Variants in NFKBIA observed in about 807,000 individuals in gnomAD.
NFKBIA encodes NF-kappa-B inhibitor alpha.
A neutral mutation model predicts 36.3 loss-of-function variants in NFKBIA; 10 were observed. The ratio of observed to expected loss-of-function variants is 0.28; its 90% CI spans 0.17 to 0.47. The LOEUF (loss-of-function observed/expected upper bound fraction) is 0.47. NFKBIA is among the 20% of genes least tolerant of loss of function. The probability of loss-of-function intolerance (pLI) is 0.99; values close to 1 mark genes in which losing one functional copy is unlikely to be tolerated. For missense variants in NFKBIA, 355 were observed against 399.3 expected, an observed-to-expected ratio of 0.89 and a Z score of 0.94; for synonymous variants, 205 against 164.4, an observed-to-expected ratio of 1.25 and a Z score of -1.89.
At chr14:35,404,350 C>CGG in intron 1 of NFKBIA, 68 bp downstream of exon 1, 1 of 1,188,280 alleles carries the variant, frequency 8.4e-7, no homozygotes. Context: ...GGCCCGGCGC[C>CGG]TCCCACCCCC....
At position 35,401,598 on chromosome 14, in the gene NFKBIA, G is replaced by A. The variant is rs1355097013; in HGVS notation, c.*415C>T. 9.9e-6 allele frequency: 3 copies of A among 301,762 alleles called. No individual in the cohort carries two copies. The highest frequency in any genetic ancestry group is 5.6e-5 in the South Asian group (1 of 17,976). 18.7% of individuals were successfully genotyped at this position (301,762 alleles called of 1,614,324 possible). A position where few individuals can be genotyped will look rare whatever the true frequency, so the allele number is the denominator to read the frequency against. On this transcript the variant is annotated 3_prime_UTR_variant, in exon 6 of 6. Transcript: ENST00000216797. ...ACATTATGTACACCATTTACAGGAGGGTAACACAAACCTTGACAGGTAGTA... is the reference window on the plus strand; with the variant it reads ...ACATTATGTACACCATTTACAGGAGAGTAACACAAACCTTGACAGGTAGTA...
chr14:35,402,296 G>A (rs1451209125), intron 5 of NFKBIA, 98 bp downstream of exon 5: 3 of 1,437,138 alleles, frequency 2.1e-6, no homozygotes, highest in African/African-American at 2.8e-5. Flanking sequence ...GACTCATTAT[G>A]TAGATACCCC....
intron 3 of NFKBIA, 39 bp downstream of exon 3, chr14:35,403,111 C>T: frequency 3.1e-6 from 5 of 1,597,650 alleles, no homozygotes; most frequent in Non-Finnish European, 4.3e-6. Context: ...CGTCACCTGC[C>T]CTCCGAGGGG....
At position 35,402,380 on chromosome 14, in the gene NFKBIA, G is replaced by A; in HGVS notation, c.906+14C>T. ...CCTCATTAGTTAGAGCGCCGAAGGA[G>A]TTCACAGACTCACCTCGTCCTCTGT... On this transcript the variant is annotated intron_variant, in intron 5 of 5. Transcript: ENST00000216797. 6.2e-7 allele frequency: 1 copy of A among 1,614,120 alleles called. No individual in the cohort carries two copies. The highest frequency in any genetic ancestry group is 8.5e-7 in the Non-Finnish European group (1 of 1,180,002).
chr14:35,404,624 G>A lies in NFKBIA; in HGVS notation c.21C>T (p.Arg7=), dbSNP rs1229016752. 3 of 1,522,396 alleles carry A rather than the reference G, an allele frequency of 2.0e-6. No homozygotes were observed. Among genetic ancestry groups the A allele is most frequent in the Non-Finnish European group, 2.6e-6 (3 of 1,135,452 alleles). 94.3% of individuals were successfully genotyped at this position (1,522,396 alleles called of 1,614,324 possible). MFQAAE[R]PQEWAMEGPR... ...GGCCCTCCATGGCCCACTCCTGGGG[G>A]CGCTCGGCCGCCTGGAACATGGCGC... Residue 7 remains arginine, a synonymous_variant, in exon 1 of 6, where the codon CGC becomes CGT. Transcript: ENST00000216797.
chr14:35,403,118 G>A, intron 3 of NFKBIA, 32 bp downstream of exon 3: 8 of 1,597,432 alleles, frequency 5.0e-6, no homozygotes, highest in Non-Finnish European at 6.8e-6. Context: ...TGCCCTCCGA[G>A]GGGGTGGGGC....
rs766226600 is a variant in NFKBIA at position 35,403,711 on chromosome 14, G to A, written c.315C>T (p.Asn105=). The part of the protein sequence containing the change: ...RQVKGDLAFL[N]FQNNLQQTPL... The stretch of plus-strand genomic sequence containing the variant: ...GCACCTGCTGCAGGTTGTTCTGGAA[G>A]TTGAGGAAGGCCAGGTCTCCCTTCA... The change falls in exon 2 of 6, where the codon AAC becomes AAT. Residue 105 remains asparagine (N), a synonymous_variant. Coordinates refer to ENST00000216797, the MANE Select transcript of NFKBIA (RefSeq NM_020529.3). 14 of 1,613,684 alleles carry A rather than the reference G, an allele frequency of 8.7e-6. No homozygotes were observed. The South Asian group carries it at 1.4e-4, about 16-fold the overall frequency.
Position 35,403,545 on chromosome 14 carries a change from C to T in NFKBIA, c.336+145G>A, listed in dbSNP as rs545731138. On this transcript the variant is annotated intron_variant, in intron 2 of 5. Coordinates refer to ENST00000216797, the MANE Select transcript of NFKBIA (RefSeq NM_020529.3). ...CACCAAATCAGTGGAATTTCCTTCA[C>T]TCTCTAGGATGTGGGCTGATGTGAA... 208 of 880,366 alleles carry T rather than the reference C, an allele frequency of 2.4e-4. 1 individual carries two copies. The African/African-American group carries it at 3.1e-3, about 13-fold the overall frequency. The allele number at this position is 880,366 out of a possible 1,614,324, so 54.5% of individuals were successfully genotyped here. A position where few individuals can be genotyped will look rare whatever the true frequency, so the allele number is the denominator to read the frequency against.
At chr14:35,404,340 G>C in intron 1 of NFKBIA, 78 bp downstream of exon 1, 1 of 1,121,762 alleles carries the variant, frequency 8.9e-7, no homozygotes, top group South Asian at 1.8e-5. Flanking sequence ...TCGGGCTCCA[G>C]GCCCGGCGCC....
rs2052763112 is a variant in NFKBIA, at chr14:35,404,213, C to T, written c.227+205G>A. ...CTGCCATCCACCAGGGCCCAGCCGC[C>T]GCCCCTCCGAGTTGGGCCGGTGCCC... On this transcript the variant is annotated intron_variant, in intron 1 of 5. Transcript: ENST00000216797. 3.1e-5 allele frequency: 10 copies of T among 322,812 alleles called. 1 individual carries two copies. Among genetic ancestry groups the T allele is most frequent in the Middle Eastern group, 8.8e-4 (1 of 1,142 alleles). The allele number at this position is 322,812 out of a possible 1,614,324, so 20.0% of individuals were successfully genotyped here. A position where few individuals can be genotyped will look rare whatever the true frequency, so the allele number is the denominator to read the frequency against.
rs539095991 is a variant in NFKBIA at position 35,401,701 on chromosome 14, C to T, written c.*312G>A. On this transcript the variant is annotated 3_prime_UTR_variant, in exon 6 of 6. Coordinates refer to ENST00000216797, the MANE Select transcript of NFKBIA (RefSeq NM_020529.3). Reference sequence around the variant, plus strand: ...CAGGATACCACTGGGGTCAGTCACTCGAAGCACAATAAATATAAAATGTGG... The same window carrying T: ...CAGGATACCACTGGGGTCAGTCACTTGAAGCACAATAAATATAAAATGTGG... The T allele has an allele frequency of 1.1e-4, 49 of 464,652 alleles. No homozygotes were observed. The highest frequency in any genetic ancestry group is 8.3e-4 in the African/African-American group (43 of 51,554). 28.8% of individuals were successfully genotyped at this position (464,652 alleles called of 1,614,324 possible).
chr14:35,403,634 G>A (rs1446877936), intron 2 of NFKBIA, 56 bp downstream of exon 2: 2 of 1,273,590 alleles, frequency 1.6e-6, no homozygotes, highest in East Asian at 4.7e-5. Flanking sequence ...GGGTGACTCT[G>A]CTACATCAGC....
In NFKBIA at chr14:35,403,773, C is replaced by T. The variant is rs1448839061; in HGVS notation, c.253G>A (p.Glu85Lys). The T allele has an allele frequency of 6.2e-7, 1 of 1,613,898 alleles. No homozygotes were observed. Among genetic ancestry groups the T allele is most frequent in the South Asian group, 1.1e-5 (1 of 91,022 alleles). Residue 85 changes from glutamate to lysine, a missense_variant, in exon 2 of 6, where the codon GAA (glutamate) becomes AAA (lysine). By Grantham distance (56) the Glu-to-Lys change is moderately conservative. Transcript: ENST00000216797. ...DSFLHLAIIHEEKALTMEVIR... is the reference protein window; with the variant it reads ...DSFLHLAIIHKEKALTMEVIR... ...ACTTCCATGGTCAGTGCCTTTTCTT[C>T]ATGGATGATGGCCAAGTGCAGGAAC... is the stretch of plus-strand genomic sequence containing the variant.
chr14:35,404,681 TG>T lies in NFKBIA; in HGVS notation c.-38del, dbSNP rs2052772412. The T allele has an allele frequency of 1.5e-6, 2 of 1,362,650 alleles. No homozygotes were observed. Among genetic ancestry groups the T allele is most frequent in the African/African-American group, 3.1e-5 (2 of 65,382 alleles). 84.4% of individuals were successfully genotyped at this position (1,362,650 alleles called of 1,614,324 possible). On this transcript the variant is annotated 5_prime_UTR_variant, in exon 1 of 6. Transcript: ENST00000216797. ...GCTGCGGGCGCTGCTGCGGGTGCGC[TG>T]GGCCGCGGGCTGCGCGCTGCTTCCT...
chr14:35,404,423 C>G lies in NFKBIA; in HGVS notation c.222G>C (p.Gly74=). The G allele has an allele frequency of 1.3e-6, 2 of 1,583,264 alleles. No homozygotes were observed. The highest frequency in any genetic ancestry group is 1.7e-6 in the Non-Finnish European group (2 of 1,167,702). ...EPWKQQLTED[G]DSFLHLAIIH... is the part of the protein sequence containing the mutation. ...CCCGGGCCTCCGCCACTTACGAGTC[C>G]CCGTCCTCGGTGAGCTGCTGCTTCC... The change falls in exon 1 of 6, where the codon GGG becomes GGC. Residue 74 remains glycine (G), a synonymous_variant. Transcript: ENST00000216797.
In NFKBIA at chr14:35,403,811, G is replaced by C; in HGVS notation, c.228-13C>G. ...CAAGTGCAGGAACCTGTGGGGAAGA[G>C]AGGGAAAAACCCCAGGGGTGGTGAG... On this transcript the variant is annotated splice_polypyrimidine_tract_variant and intron_variant, in intron 1 of 5. Transcript: ENST00000216797. 1 of 1,603,652 alleles carries C rather than the reference G, an allele frequency of 6.2e-7. No homozygotes were observed. Among genetic ancestry groups the C allele is most frequent in the Non-Finnish European group, 8.5e-7 (1 of 1,172,146 alleles).
rs763208600 is a variant in NFKBIA at position 35,403,311 on chromosome 14, G to A, written c.386C>T (p.Ala129Val). 2 of 1,614,094 alleles carry A rather than the reference G, an allele frequency of 1.2e-6. No individual in the cohort carries two copies. Among genetic ancestry groups the A allele is most frequent in the South Asian group, 1.1e-5 (1 of 91,078 alleles). Residue 129 changes from alanine (A) to valine (V), a missense_variant, in exon 3 of 6, where the codon GCA becomes GTA. Physicochemically the swap from Ala to Val is moderately conservative, Grantham distance 64. Coordinates refer to ENST00000216797, the MANE Select transcript of NFKBIA (RefSeq NM_020529.3). ...VITNQPEIAEALLGAGCDPEL... is the reference protein window; with the variant it reads ...VITNQPEIAEVLLGAGCDPEL... ...AGGATCACAGCCAGCTCCCAGAAGTGCCTCAGCAATTTCTGGCTGGTTGGT... is the reference window on the plus strand; with the variant it reads ...AGGATCACAGCCAGCTCCCAGAAGTACCTCAGCAATTTCTGGCTGGTTGGT...
chr14:35,403,410 ACCCCGAGTT>A (rs1267751546), intron 2 of NFKBIA, 50 bp from the exon 3 acceptor site: 1 of 1,591,368 alleles, frequency 6.3e-7, no homozygotes, highest in Non-Finnish European at 8.6e-7. Flanking sequence ...CCAAACCCAC[ACCCCGAGTT>A]CCCCTCAACC....
Position 35,401,672 on chromosome 14 carries a change from G to A in NFKBIA, c.*341C>T. 1 of 417,812 alleles carries A rather than the reference G, an allele frequency of 2.4e-6. No individual in the cohort carries two copies. Among genetic ancestry groups the A allele is most frequent in the South Asian group, 2.8e-5 (1 of 35,510 alleles). The allele number at this position is 417,812 out of a possible 1,614,324, so 25.9% of individuals were successfully genotyped here. A position where few individuals can be genotyped will look rare whatever the true frequency, so the allele number is the denominator to read the frequency against. The stretch of plus-strand genomic sequence containing the variant: ...CGCTTAACACTCCTGGCTGTTACAT[G>A]TCACAGGATACCACTGGGGTCAGTC... On this transcript the variant is annotated 3_prime_UTR_variant, in exon 6 of 6. Transcript: ENST00000216797.
Sources: gnomAD v4.1 joint callset for allele counts on GRCh38, gnomAD v4.1.1 for gene constraint, MANE v1.5 for transcripts, NCBI Gene and HGNC (gene_info 2026-07-23, HGNC 2026-07-21) for gene names.